Variants in TBCEL observed in about 807,000 individuals in gnomAD.
TBCEL encodes tubulin folding cofactor E like, also known as tubulin-specific chaperone cofactor E-like protein.
Under a neutral mutation model 44.2 loss-of-function variants are expected in TBCEL, and 15 were observed. That is an observed-to-expected ratio of 0.34 (90% CI 0.23 to 0.52). The LOEUF (loss-of-function observed/expected upper bound fraction) is 0.52. TBCEL is among the 20% of genes least tolerant of loss of function. TBCEL has a pLI of 0.95. For synonymous variants in TBCEL, 171 were observed against 185.4 expected (o/e 0.92, Z 0.63); for missense variants, 319 against 506.3 (o/e 0.63, Z 3.55).
chr11:121,080,204 C>T (rs1406776487), intron 8 of TBCEL, among the ~76,000 whole-genome samples: 1 of 152,192 alleles, frequency 6.6e-6, no homozygotes, highest in South Asian at 2.1e-4. Context: ...TGTTACATTT[C>T]TTAAAGAGAG....
intron 8 of TBCEL, among the ~76,000 whole-genome samples, chr11:121,083,264 C>T (rs975485561): frequency 5.3e-5 from 8 of 151,946 alleles, no homozygotes; most frequent in African/African-American, 1.7e-4. Flanking sequence ...TGATGGGATA[C>T]GTAGGAAGAT....
chr11:121,041,564 A>G (rs537651448), intron 2 of TBCEL, among the ~76,000 whole-genome samples: 7 of 152,284 alleles, frequency 4.6e-5, no homozygotes, highest in Admixed American at 1.3e-4. Context: ...TCTGCTAACT[A>G]TAGAGGTAGT....
chr11:121,031,537 T>C (rs552432610), intron 1 of TBCEL, among the ~76,000 whole-genome samples: 27 of 152,184 alleles, frequency 1.8e-4, no homozygotes, highest in Admixed American at 1.6e-3. Flanking sequence ...TCTTCCTCCT[T>C]CTTACTGTTT....
At chr11:121,060,455 C>CTAAG (rs1285175164) in intron 8 of TBCEL, among the ~76,000 whole-genome samples, 3 of 151,740 alleles carry the variant, frequency 2.0e-5, no homozygotes, top group Non-Finnish European at 4.4e-5. Context: ...TTAGGATATA[C>CTAAG]TAAGTTCTCC....
chr11:121,029,170 A>G (rs1591375921), intron 1 of TBCEL, among the ~76,000 whole-genome samples: 1 of 152,078 alleles, frequency 6.6e-6, no homozygotes, highest in Non-Finnish European at 1.5e-5. Context: ...TGACCTCCTT[A>G]GTGAAGACAG....
intron 8 of TBCEL, among the ~76,000 whole-genome samples, chr11:121,072,329 T>G (rs1945950139): frequency 1.3e-5 from 2 of 152,192 alleles, no homozygotes. Context: ...CAGTTTTATC[T>G]TTTTCGTTTT....
At chr11:121,062,926 T>C (rs573126636) in intron 8 of TBCEL, among the ~76,000 whole-genome samples, 1 of 152,184 alleles carries the variant, frequency 6.6e-6, no homozygotes, top group Non-Finnish European at 1.5e-5. Context: ...TATTCCCTCA[T>C]GAGTGCTGAA....
intron 8 of TBCEL, among the ~76,000 whole-genome samples, chr11:121,086,394 A>G (rs920581036): frequency 1.3e-5 from 2 of 152,114 alleles, no homozygotes; most frequent in Non-Finnish European, 2.9e-5. Flanking sequence ...CCATCTTTCC[A>G]TCTATTCCCA....
intron 8 of TBCEL, among the ~76,000 whole-genome samples, chr11:121,065,064 G>T (rs894975336): frequency 6.6e-6 from 1 of 152,096 alleles, no homozygotes; most frequent in Non-Finnish European, 1.5e-5. Context: ...CTGACCTCGT[G>T]ATCCGCCTGC....
intron 7 of TBCEL, among the ~76,000 whole-genome samples, chr11:121,059,145 T>G (rs903572583): frequency 6.6e-6 from 1 of 151,984 alleles, no homozygotes; most frequent in Admixed American, 6.6e-5. Context: ...TTTAAGGTTC[T>G]CTAAAGAAGA....
At chr11:121,068,151 G>A (rs1591409151) in intron 8 of TBCEL, among the ~76,000 whole-genome samples, 2 of 152,156 alleles carry the variant, frequency 1.3e-5, no homozygotes, top group Admixed American at 6.6e-5. Flanking sequence ...TCCAGACGGC[G>A]CTTTCCAGCT....
At chr11:121,059,935 T>TA in intron 7 of TBCEL, 34 bp from the exon 8 acceptor site, 1 of 1,467,398 alleles carries the variant, frequency 6.8e-7, no homozygotes. Flanking sequence ...ATTAGTATCT[T>TA]AAAAAATGTC....
intron 8 of TBCEL, among the ~76,000 whole-genome samples, chr11:121,063,799 GGA>G (rs1430186095): frequency 6.6e-6 from 1 of 152,096 alleles, no homozygotes; most frequent in African/African-American, 2.4e-5. Flanking sequence ...GTTTGTTGGG[GGA>G]GAGGGGTGGA....
chr11:121,086,669 T>C (rs1455078655), intron 8 of TBCEL, 109 bp from the exon 9 acceptor site: 1 of 835,914 alleles, frequency 1.2e-6, no homozygotes, highest in Non-Finnish European at 1.9e-6. Flanking sequence ...TAGAATAAGA[T>C]TTTTTAAAGA....
intron 8 of TBCEL, among the ~76,000 whole-genome samples, chr11:121,075,907 G>A (rs564511198): frequency 1.9e-4 from 29 of 151,976 alleles, no homozygotes; most frequent in African/African-American, 3.4e-4. Context: ...TTGTTTTGGC[G>A]TATGGGTGCC....
In TBCEL at chr11:121,089,271, G is replaced by A. The variant is rs1334052042; in HGVS notation, c.*2175G>A. On this transcript the variant is annotated 3_prime_UTR_variant, in exon 9 of 9. Transcript: ENST00000683345. ...AATAAGATATTTTATATATGGCAAAGTTTTATGAAATGCTTTTTTACTATT... is the reference window on the plus strand; with the variant it reads ...AATAAGATATTTTATATATGGCAAAATTTTATGAAATGCTTTTTTACTATT... The A allele has an allele frequency of 6.6e-6, 1 of 152,152 alleles. No individual in the cohort carries two copies. Among genetic ancestry groups the A allele is most frequent in the Non-Finnish European group, 1.5e-5 (1 of 68,004 alleles). The allele number at this position is 152,152 out of a possible 1,614,324, so 9.4% of individuals were successfully genotyped here.
intron 1 of TBCEL, among the ~76,000 whole-genome samples, chr11:121,035,054 A>G (rs1945206580): frequency 6.6e-6 from 1 of 152,192 alleles, no homozygotes; most frequent in South Asian, 2.1e-4. Flanking sequence ...AGCTTATTTA[A>G]CAAAAATTGC....
At chr11:121,077,450 C>T (rs1332750331) in intron 8 of TBCEL, among the ~76,000 whole-genome samples, 2 of 151,964 alleles carry the variant, frequency 1.3e-5, no homozygotes, top group African/African-American at 4.8e-5. Context: ...TTATCATAAG[C>T]CTTTAATGTC....
chr11:121,033,045 A>G (rs1277926690), intron 1 of TBCEL, among the ~76,000 whole-genome samples: 17 of 152,206 alleles, frequency 1.1e-4, no homozygotes, highest in Admixed American at 1.1e-3. Context: ...ATTTACACAT[A>G]TCTTTATAGC....
Sources: allele counts gnomAD v4.1 joint callset (sites outside exome capture counted in the v4.1 genomes callset), GRCh38; gene constraint gnomAD v4.1.1; transcripts MANE v1.5; gene names NCBI Gene and HGNC (gene_info 2026-07-23, HGNC 2026-07-21).